SNHG17: variants seen among roughly 807,000 people sequenced by gnomAD.
SNHG17 encodes the protein small nucleolar RNA host gene 17 (non-protein coding).
intron 3 of SNHG17, among the ~76,000 whole-genome samples, chr20:38,430,279 C>A (rs891918210): frequency 1.3e-5 from 2 of 151,358 alleles, no homozygotes; most frequent in African/African-American, 4.9e-5. Flanking sequence ...CAGGATCACG[C>A]CATTGCACTC....
intron 2 of SNHG17, chr20:38,433,826 C>T: frequency 1.9e-6 from 1 of 519,066 alleles, no homozygotes. Flanking sequence ...AATAAGACAC[C>T]AAGTGCCAGG....
At chr20:38,433,978 C>T (rs547366523) in intron 2 of SNHG17, 22 of 519,068 alleles carry the variant, frequency 4.2e-5, no homozygotes, top group Admixed American at 1.6e-4. Context: ...AGGCAGCCCA[C>T]GATCACTTTC....
At chr20:38,433,075 C>T (rs914521247) in intron 2 of SNHG17, among the ~76,000 whole-genome samples, 2 of 152,094 alleles carry the variant, frequency 1.3e-5, no homozygotes, top group Admixed American at 6.5e-5. Flanking sequence ...CAGGTTCAAG[C>T]GATTCTGGTG....
intron 2 of SNHG17, among the ~76,000 whole-genome samples, chr20:38,432,619 C>A (rs371736937): frequency 6.6e-6 from 1 of 152,176 alleles, no homozygotes; most frequent in Admixed American, 6.5e-5. Context: ...GCTCTGACCA[C>A]CCCCACACAG....
exon 6 of SNHG17, chr20:38,422,224 C>G (rs2084166187): frequency 6.6e-6 from 1 of 152,426 alleles, no homozygotes; most frequent in African/African-American, 2.4e-5. Flanking sequence ...ATCCAAGCCC[C>G]AGGAACAGCA....
At chr20:38,432,756 G>A (rs943210183) in intron 2 of SNHG17, among the ~76,000 whole-genome samples, 2 of 152,228 alleles carry the variant, frequency 1.3e-5, no homozygotes, top group Non-Finnish European at 2.9e-5. Context: ...AGGCTGGAAT[G>A]CAGTAGCACA....
chr20:38,426,995 TACACACACACACACAC>T (rs765781057), intron 3 of SNHG17, among the ~76,000 whole-genome samples: 4 of 125,580 alleles, frequency 3.2e-5, no homozygotes, highest in Non-Finnish European at 5.2e-5. Context: ...AAGTTACACA[TACACACACACACACAC>T]ACACACACAC....
chr20:38,426,055 CAAAAAAAAAAAA>C (rs3073133), intron 4 of SNHG17: 4,947 of 83,242 alleles, frequency 0.059, 132 homozygotes, highest in Middle Eastern at 0.09. Context: ...GACCCTGCCT[CAAAAAAAAAAAA>C]AAAAAAAAAA....
At chr20:38,425,496 A>G in intron 5 of SNHG17, 1 of 368,384 alleles carries the variant, frequency 2.7e-6, no homozygotes, top group South Asian at 2.0e-5. Context: ...GATTTCCCAA[A>G]CTTTAGCATG....
At chr20:38,425,205 A>T in intron 5 of SNHG17, 1 of 519,112 alleles carries the variant, frequency 1.9e-6, no homozygotes, top group Non-Finnish European at 3.8e-6. Flanking sequence ...GCATGTACGA[A>T]AGCTCCAGAG....
intron 2 of SNHG17, chr20:38,431,929 G>A (rs977009064): frequency 1.3e-5 from 11 of 844,426 alleles, no homozygotes; most frequent in East Asian, 1.2e-4. Flanking sequence ...CAGACATCAC[G>A]CCCAGGGAAC....
chr20:38,434,103 T>C, intron 2 of SNHG17: 1 of 450,832 alleles, frequency 2.2e-6, no homozygotes, highest in Non-Finnish European at 4.4e-6. Flanking sequence ...CTGAGAGCCA[T>C]CATCACTTCA....
At chr20:38,425,914 G>C (rs926802252) in intron 5 of SNHG17, 1 of 152,956 alleles carries the variant, frequency 6.5e-6, no homozygotes, top group African/African-American at 2.4e-5. Context: ...CTAAAAATTA[G>C]CTGGGTGCAG....
intron 3 of SNHG17, chr20:38,427,310 G>A (rs1216407169): frequency 5.9e-6 from 3 of 504,684 alleles, no homozygotes; most frequent in Non-Finnish European, 1.2e-5. Flanking sequence ...AACAGGAGTT[G>A]TGTGAAAGCT....
intron 5 of SNHG17, among the ~76,000 whole-genome samples, chr20:38,424,842 G>C (rs1453028721): frequency 6.6e-6 from 1 of 152,192 alleles, no homozygotes; most frequent in East Asian, 1.9e-4. Context: ...TTTGACAGGA[G>C]CCTCTGAGTC....
intron 5 of SNHG17, among the ~76,000 whole-genome samples, chr20:38,423,341 G>A (rs1209212603): frequency 6.8e-6 from 1 of 147,056 alleles, no homozygotes; most frequent in Non-Finnish European, 1.5e-5. Flanking sequence ...AGGTTGCAGT[G>A]AGCAAACACA....
At chr20:38,434,814 A>G (rs1347573539) in intron 1 of SNHG17, 2 of 981,100 alleles carry the variant, frequency 2.0e-6, no homozygotes, top group Non-Finnish European at 2.4e-6. Context: ...GGTCTCAAGG[A>G]CGTGGCACAA....
At chr20:38,435,063 G>C in intron 1 of SNHG17, 2 of 1,231,932 alleles carry the variant, frequency 1.6e-6, no homozygotes, top group Non-Finnish European at 2.0e-6. Context: ...CGAATCCTGG[G>C]GGGCTCACTC....
chr20:38,424,703 G>A (rs2084215868), intron 5 of SNHG17, among the ~76,000 whole-genome samples: 1 of 152,188 alleles, frequency 6.6e-6, no homozygotes, highest in South Asian at 2.1e-4. Flanking sequence ...GCTGAGAGGT[G>A]GGAAGGAGTG....
Sources: allele counts gnomAD v4.1 joint callset (sites outside exome capture counted in the v4.1 genomes callset), GRCh38; gene constraint gnomAD v4.1.1; transcripts MANE v1.5; gene names NCBI Gene and HGNC (gene_info 2026-07-23, HGNC 2026-07-21).